The following GRIK3 variants were observed in gnomAD, a reference collection of about 807,000 sequenced individuals.
GRIK3 encodes glutamate receptor ionotropic, kainate 3.
In GRIK3, 29 loss-of-function variants were observed where a neutral mutation model predicts 102.5. The ratio of observed to expected loss-of-function variants is 0.28; its 90% CI spans 0.21 to 0.39. The LOEUF is 0.39. GRIK3 is among the 10% of genes least tolerant of loss of function. The pLI is 1.00. For synonymous variants in GRIK3, 511 were observed against 504.9 expected (o/e 1.01, Z -0.16); for missense variants, 908 against 1,252.4 (o/e 0.73, Z 4.15).
intron 1 of GRIK3, among the ~76,000 whole-genome samples, chr1:36,957,665 G>GCC (rs1641936728): frequency 9.4e-6 from 1 of 106,722 alleles, no homozygotes; most frequent in Non-Finnish European, 1.9e-5. Context: ...TGATCTGTGA[G>GCC]TCTGTGCCCC....
chr1:37,011,467 T>G (rs1642595488), intron 1 of GRIK3, among the ~76,000 whole-genome samples: 1 of 152,144 alleles, frequency 6.6e-6, no homozygotes, highest in African/African-American at 2.4e-5. Flanking sequence ...ATGGGGTAAA[T>G]GCTTTTCTAG....
At chr1:36,998,128 C>A (rs1394330896) in intron 1 of GRIK3, among the ~76,000 whole-genome samples, 2 of 152,134 alleles carry the variant, frequency 1.3e-5, no homozygotes, top group Admixed American at 1.3e-4. Flanking sequence ...CAAATTTGGG[C>A]CTCTAGTCCA....
chr1:36,959,007 G>T (rs1361443618), intron 1 of GRIK3, among the ~76,000 whole-genome samples: 1 of 111,184 alleles, frequency 9.0e-6, no homozygotes, highest in African/African-American at 3.1e-5. Flanking sequence ...TCTGTGCCCC[G>T]TGACTCTGTG....
chr1:36,924,632 G>T (rs1035299329), intron 1 of GRIK3, among the ~76,000 whole-genome samples: 1 of 152,090 alleles, frequency 6.6e-6, no homozygotes, highest in Non-Finnish European at 1.5e-5. Flanking sequence ...GCCACGAAGG[G>T]GTCAGCGCTG....
intron 1 of GRIK3, among the ~76,000 whole-genome samples, chr1:36,937,099 T>C (rs558433997): frequency 3.4e-4 from 52 of 152,216 alleles, no homozygotes; most frequent in African/African-American, 1.2e-3. Flanking sequence ...CTTCAAATTG[T>C]AGTGTGTGAC....
chr1:36,813,796 G>A (rs1193095218), intron 13 of GRIK3, among the ~76,000 whole-genome samples: 2 of 149,424 alleles, frequency 1.3e-5, no homozygotes, highest in African/African-American at 4.9e-5. Context: ...TGAGGTGGGG[G>A]GGCAGTTAAT....
At position 36,819,325 on chromosome 1, in the gene GRIK3, T is replaced by G. The variant is rs965072520; in HGVS notation, c.1873+411A>C. Among the ~76,000 whole-genome samples the G allele has an allele frequency of 6.6e-6, 1 of 152,104 alleles. No individual in the cohort carries two copies. The highest frequency in any genetic ancestry group is 2.4e-5 in the African/African-American group (1 of 41,436). ...AGGTCTCATCACCTCATTCCTGCAG[T>G]GGCCTCCCACCCAGACTCCCTGCCT... On this transcript the variant is annotated intron_variant, in intron 12 of 15. Coordinates refer to ENST00000373091, the MANE Select transcript of GRIK3 (RefSeq NM_000831.4). This position sits in a 1 kb window ranked among gnomAD's most constrained non-coding sequence, Gnocchi z 4.1.
chr1:37,002,134 C>T (rs1642484529), intron 1 of GRIK3, among the ~76,000 whole-genome samples: 1 of 152,138 alleles, frequency 6.6e-6, no homozygotes, highest in African/African-American at 2.4e-5. Context: ...CTAGCTTCTG[C>T]CAATGTTGAT....
chr1:37,005,784 A>C (rs1487051033), intron 1 of GRIK3, among the ~76,000 whole-genome samples: 1 of 152,198 alleles, frequency 6.6e-6, no homozygotes, highest in Non-Finnish European at 1.5e-5. Context: ...GGCAACCTGG[A>C]ATAAATAAAG....
At chr1:36,884,283 G>A (rs149575509) in intron 2 of GRIK3, among the ~76,000 whole-genome samples, 2 of 152,334 alleles carry the variant, frequency 1.3e-5, no homozygotes, top group African/African-American at 4.8e-5. Flanking sequence ...ACAAACCACA[G>A]TGATAATAAA....
chr1:36,841,862 G>T lies in GRIK3; in HGVS notation c.1404C>A (p.Asp468Glu). 6.2e-7 allele frequency: 1 copy of T among 1,614,160 alleles called. No homozygotes were observed. Among genetic ancestry groups the T allele is most frequent in the Non-Finnish European group, 8.5e-7 (1 of 1,180,010 alleles). ...GNDRFEGYCI[D>E]LLKELAHILG... ...GGATGTGGGCCAGCTCCTTTAGCAG[G>T]TCGATGCAGTAGCCCTCGAACCGGT... The change falls in exon 10 of 16, where the codon GAC (aspartate) becomes GAA (glutamate). Residue 468 changes from aspartate to glutamate, a missense_variant. Asp to Glu is a conservative substitution (Grantham distance 45, BLOSUM62 2). This residue lies in a region of GRIK3 where 585 missense variants were observed against 824.9 expected (regional missense o/e 0.71). Coordinates refer to ENST00000373091, the MANE Select transcript of GRIK3 (RefSeq NM_000831.4).
chr1:36,916,890 T>C (rs1240203604), intron 1 of GRIK3, among the ~76,000 whole-genome samples: 1 of 152,180 alleles, frequency 6.6e-6, no homozygotes, highest in Non-Finnish European at 1.5e-5. Context: ...GGGCACCACC[T>C]AGTGGAGCTA....
In GRIK3 at chr1:37,034,212, C is replaced by T; in HGVS notation, c.-104G>A. The T allele has an allele frequency of 4.3e-6, 1 of 234,104 alleles. No individual in the cohort carries two copies. Among genetic ancestry groups the T allele is most frequent in the Non-Finnish European group, 8.2e-6 (1 of 122,694 alleles). The allele number at this position is 234,104 out of a possible 1,614,324, so 14.5% of individuals were successfully genotyped here. A position where few individuals can be genotyped will look rare whatever the true frequency, so the allele number is the denominator to read the frequency against. ...GCAGCCCCGAAGGCGCCGCCTGGCCCAGCCGCCCGGCTCCCGAGCGCCGCT... is the reference window on the plus strand; with the variant it reads ...GCAGCCCCGAAGGCGCCGCCTGGCCTAGCCGCCCGGCTCCCGAGCGCCGCT... On this transcript the variant is annotated 5_prime_UTR_variant, in exon 1 of 16. Transcript: ENST00000373091.
chr1:37,020,337 A>G (rs1213138879), intron 1 of GRIK3, among the ~76,000 whole-genome samples: 1 of 152,236 alleles, frequency 6.6e-6, no homozygotes, highest in Admixed American at 6.5e-5. Flanking sequence ...AATGAGGAAT[A>G]ATTTTATTTA....
intron 5 of GRIK3, among the ~76,000 whole-genome samples, chr1:36,867,761 G>A (rs1640800966): frequency 6.6e-6 from 1 of 152,110 alleles, no homozygotes; most frequent in Non-Finnish European, 1.5e-5. Flanking sequence ...CCTGAGTACT[G>A]CCCTCGCCAC....
chr1:36,863,545 C>T (rs1640750426), intron 5 of GRIK3, among the ~76,000 whole-genome samples: 1 of 152,134 alleles, frequency 6.6e-6, no homozygotes, highest in Admixed American at 6.6e-5. Flanking sequence ...GCCCCTGTAC[C>T]CTTTGTCCTG....
intron 1 of GRIK3, among the ~76,000 whole-genome samples, chr1:37,012,371 A>G (rs1284515361): frequency 6.6e-6 from 1 of 152,180 alleles, no homozygotes; most frequent in East Asian, 1.9e-4. Context: ...CTGTGGCTTT[A>G]TCTTCATGAC....
chr1:36,829,029 C>T (rs542630649), intron 10 of GRIK3, among the ~76,000 whole-genome samples: 4 of 152,330 alleles, frequency 2.6e-5, no homozygotes, highest in East Asian at 3.9e-4. Flanking sequence ...TCTATACCTA[C>T]GGTGGCAAGA....
At position 36,957,626 on chromosome 1, in the gene GRIK3, C is replaced by T. The variant is rs111720313; in HGVS notation, c.116-66530G>A. On this transcript the variant is annotated intron_variant, in intron 1 of 15. Transcript: ENST00000373091. ...GAGCCTGTGTGCCCTGTGACTGTGC[C>T]CCGTAAGCCTGTGCCCCATGAGCAT... is the stretch of plus-strand genomic sequence containing the variant. 7.9e-5 allele frequency among the ~76,000 whole-genome samples: 8 copies of T among 101,146 alleles called. 1 individual carries two copies. The highest frequency in any genetic ancestry group is 2.6e-4 in the African/African-American group (7 of 26,808). The allele number at this position is 101,146 out of a possible 152,430, so 66.4% of individuals were successfully genotyped here.
Sources: gnomAD v4.1 joint callset for allele counts (sites outside exome capture counted in the v4.1 genomes callset) on GRCh38, gnomAD v4.1.1 for gene constraint, gnomAD v4.1.1 regional missense constraint, Gnocchi (gnomAD v3.1) non-coding constraint, MANE v1.5 for transcripts, NCBI Gene and HGNC (gene_info 2026-07-23, HGNC 2026-07-21) for gene names.